ULK1: variants seen among roughly 807,000 people sequenced by gnomAD.
ULK1 encodes serine/threonine-protein kinase ULK1.
ULK1 carries 48 observed loss-of-function variants against 117.5 expected under a neutral mutation model. That is an observed-to-expected ratio of 0.41 (90% CI 0.32 to 0.52). The LOEUF is 0.52. Among genes scored for constraint, ULK1 ranks in the 20% least tolerant of loss-of-function variants. The pLI is 0.29. For synonymous variants in ULK1, 790 were observed against 637.8 expected (o/e 1.24, Z -3.60); for missense variants, 1,387 against 1,473.4 (o/e 0.94, Z 0.96).
At chr12:131,910,943 A>T in intron 12 of ULK1, 143 bp downstream of exon 12, 1 of 1,448,226 alleles carries the variant, frequency 6.9e-7, no homozygotes, top group Admixed American at 2.3e-5. Flanking sequence ...ATTCTGTCAG[A>T]TGTTGAAGCC....
chr12:131,896,117 G>A (rs950630835), intron 3 of ULK1, among the ~76,000 whole-genome samples: 4 of 152,198 alleles, frequency 2.6e-5, no homozygotes, highest in Non-Finnish European at 5.9e-5. Flanking sequence ...CCCTGCCTGA[G>A]TCCGGCGTCC....
At chr12:131,918,295 T>G in intron 22 of ULK1, 2 of 637,630 alleles carry the variant, frequency 3.1e-6, no homozygotes, top group East Asian at 2.9e-5. Flanking sequence ...GCTGGGGACT[T>G]GGGGGTTGTG....
In ULK1 at chr12:131,917,016, G is replaced by C. The variant is rs140491730; in HGVS notation, c.2136G>C (p.Pro712=). Reference sequence around the variant, plus strand: ...AGGCGGCGTTTGGGACACAAGCCCCGGACCCGGGCAGCACGGAGAGCCTGC... The same window carrying C: ...AGGCGGCGTTTGGGACACAAGCCCCCGACCCGGGCAGCACGGAGAGCCTGC... ...LLKAAFGTQA[P]DPGSTESLQE... is the part of the protein sequence containing the mutation. Residue 712 remains proline, a synonymous_variant, in exon 21 of 28, where the codon CCG becomes CCC. Transcript: ENST00000321867. The C allele has an allele frequency of 1.3e-5, 21 of 1,609,508 alleles. 1 individual carries two copies. Among genetic ancestry groups the C allele is most frequent in the South Asian group, 4.4e-5 (4 of 90,946 alleles).
At chr12:131,908,852 G>C (rs763381010) in intron 6 of ULK1, 35 bp downstream of exon 6, 3 of 1,606,590 alleles carry the variant, frequency 1.9e-6, no homozygotes, top group South Asian at 2.2e-5. Flanking sequence ...GCCCGGCGGG[G>C]AGGGGCTCCG....
chr12:131,896,938 CT>C (rs1289886341), intron 3 of ULK1: 1 of 152,540 alleles, frequency 6.6e-6, no homozygotes, highest in East Asian at 1.9e-4. Flanking sequence ...TGCTGCTCCC[CT>C]CCAGGGCTCC....
Position 131,910,697 on chromosome 12 carries a change from G to A in ULK1, c.860-15G>A, listed in dbSNP as rs771666475. 3.7e-6 allele frequency: 6 copies of A among 1,612,974 alleles called. 1 individual carries two copies. Among genetic ancestry groups the A allele is most frequent in the Non-Finnish European group, 5.1e-6 (6 of 1,179,912 alleles). ...AGGAGGATGGCCCAGACTGACCTAT[G>A]CATGTTTATCTCAGCCCCACCCGTG... is the stretch of plus-strand genomic sequence containing the variant. On this transcript the variant is annotated splice_polypyrimidine_tract_variant and intron_variant, in intron 11 of 27. Coordinates refer to ENST00000321867, the MANE Select transcript of ULK1 (RefSeq NM_003565.4).
At chr12:131,895,334 A>G (rs7960223) in intron 1 of ULK1, among the ~76,000 whole-genome samples, 3,663 of 110,452 alleles carry the variant, frequency 0.033, 133 homozygotes, top group African/African-American at 0.11. Context: ...TTTCCAGCCC[A>G]GATCCTCACT....
At chr12:131,899,465 G>A (rs1186365760) in intron 3 of ULK1, among the ~76,000 whole-genome samples, 1 of 151,738 alleles carries the variant, frequency 6.6e-6, no homozygotes, top group African/African-American at 2.4e-5. Flanking sequence ...TAGGATTACA[G>A]GCATGAGCCA....
chr12:131,911,860 G>T, intron 12 of ULK1, 82 bp from the exon 13 acceptor site: 1 of 1,601,876 alleles, frequency 6.2e-7, no homozygotes, highest in Non-Finnish European at 8.5e-7. Flanking sequence ...TGGGGCTCTG[G>T]GCCATCCCAG....
At position 131,919,352 on chromosome 12, in the gene ULK1, C is replaced by A; in HGVS notation, c.2652C>A (p.Ala884=). 1.3e-6 allele frequency: 2 copies of A among 1,564,626 alleles called. No individual in the cohort carries two copies. The highest frequency in any genetic ancestry group is 1.7e-6 in the Non-Finnish European group (2 of 1,155,536). The change falls in exon 24 of 28, where the codon GCC becomes GCA. Residue 884 remains alanine, a synonymous_variant. Coordinates refer to ENST00000321867, the MANE Select transcript of ULK1 (RefSeq NM_003565.4). ...PEYQLQESVV[A]DQISLLSREW... ...ACCAGCTGCAGGAGAGTGTGGTGGC[C>A]GACCAGATCAGCCTGCTGAGCCGAG... is the stretch of plus-strand genomic sequence containing the variant.
intron 20 of ULK1, 60 bp downstream of exon 20, chr12:131,916,651 T>C (rs760987419): frequency 2.0e-4 from 292 of 1,446,566 alleles, no homozygotes; most frequent in Non-Finnish European, 2.5e-4. Context: ...TCCCCTGCAT[T>C]GTTCTGCTGG....
intron 20 of ULK1, among the ~76,000 whole-genome samples, 175 bp from the exon 21 acceptor site, chr12:131,916,778 C>G (rs567092296): frequency 4.6e-5 from 7 of 152,148 alleles, no homozygotes; most frequent in Non-Finnish European, 1.0e-4. Context: ...CACAGCAGGT[C>G]CCCGTCCTGA....
chr12:131,905,745 G>A (rs942266068), intron 3 of ULK1, among the ~76,000 whole-genome samples: 9 of 152,176 alleles, frequency 5.9e-5, no homozygotes, highest in Non-Finnish European at 8.8e-5. Context: ...CTGTGGCTGC[G>A]GGGAGTGAGT....
At position 131,915,879 on chromosome 12, in the gene ULK1, G is replaced by C; in HGVS notation, c.1610-12G>C. The stretch of plus-strand genomic sequence containing the variant: ...GGACCGGAAGGTCGTGACGAGGCGT[G>C]TCTCTCTCTAGGCTCCTCTGCACCC... On this transcript the variant is annotated splice_polypyrimidine_tract_variant and intron_variant, in intron 18 of 27. Transcript: ENST00000321867. 2 of 1,608,388 alleles carry C rather than the reference G, an allele frequency of 1.2e-6. No individual in the cohort carries two copies. The highest frequency in any genetic ancestry group is 1.7e-6 in the Non-Finnish European group (2 of 1,179,664).
At position 131,913,244 on chromosome 12, in the gene ULK1, C is replaced by T. The variant is rs1297758743; in HGVS notation, c.1143C>T (p.Ser381=). Residue 381 remains serine (S), a synonymous_variant, in exon 14 of 28, where the codon AGC becomes AGT. Coordinates refer to ENST00000321867, the MANE Select transcript of ULK1 (RefSeq NM_003565.4). ...CCAGTGCCAAACCCCCGCCAGACAG[C>T]CTGATGTGCAGTGGGTGAGCCCCCA... is the stretch of plus-strand genomic sequence containing the variant. ...EAPSAKPPPD[S]LMCSGSSLVA... 1 of 1,592,132 alleles carries T rather than the reference C, an allele frequency of 6.3e-7. No individual in the cohort carries two copies. The highest frequency in any genetic ancestry group is 1.4e-5 in the African/African-American group (1 of 73,500).
intron 9 of ULK1, 21 bp downstream of exon 9, chr12:131,909,854 C>T (rs1889449609): frequency 2.5e-6 from 4 of 1,610,904 alleles, no homozygotes; most frequent in African/African-American, 2.7e-5. Context: ...TCCCGCCTTC[C>T]CTTCCCTTCC....
rs1593264088 is a variant in ULK1, at chr12:131,907,365, G to T, written c.280-130G>T. ...TCCAGCAGGGACTGTGGGGACACCT[G>T]CCCTGGGCTGGGCAGGTGCCTGCGG... On this transcript the variant is annotated intron_variant, in intron 4 of 27. Coordinates refer to ENST00000321867, the MANE Select transcript of ULK1 (RefSeq NM_003565.4). 3.4e-6 allele frequency: 4 copies of T among 1,178,352 alleles called. No homozygotes were observed. The East Asian group carries it at 1.0e-4, about 30-fold the overall frequency. The allele number at this position is 1,178,352 out of a possible 1,614,324, so 73.0% of individuals were successfully genotyped here.
chr12:131,909,740 C>T, intron 8 of ULK1, 35 bp from the exon 9 acceptor site: 1 of 1,562,238 alleles, frequency 6.4e-7, no homozygotes, highest in Non-Finnish European at 8.7e-7. Flanking sequence ...CGCTCGGCCG[C>T]AGCCCTGGCA....
intron 1 of ULK1, among the ~76,000 whole-genome samples, chr12:131,895,353 C>G (rs988641854): frequency 4.6e-5 from 7 of 151,648 alleles, no homozygotes; most frequent in African/African-American, 1.7e-4. Flanking sequence ...CTCCGAGACC[C>G]CCAGCCCGAC....
Sources: gnomAD v4.1 joint callset for allele counts (sites outside exome capture counted in the v4.1 genomes callset) on GRCh38, gnomAD v4.1.1 for gene constraint, MANE v1.5 for transcripts, NCBI Gene and HGNC (gene_info 2026-07-23, HGNC 2026-07-21) for gene names.